CDH18: variants seen among roughly 807,000 people sequenced by gnomAD.
CDH18 encodes cadherin 18.
CDH18 carries 31 observed loss-of-function variants against 67.9 expected under a neutral mutation model. The observed-to-expected ratio is 0.46, with a 90% CI of 0.34 to 0.62. CDH18 has a LOEUF of 0.62. Ranked by LOEUF, CDH18 falls within the 20% of genes least tolerant of loss-of-function variation. The probability of loss-of-function intolerance (pLI) is 0.01; values close to 1 mark genes in which losing one functional copy is unlikely to be tolerated. For missense variants in CDH18, 890 were observed against 975.5 expected, an observed-to-expected ratio of 0.91 and a Z score of 1.17; for synonymous variants, 362 against 347.2, an observed-to-expected ratio of 1.04 and a Z score of -0.48.
chr5:19,546,406 C>T (rs899574607), intron 8 of CDH18, among the ~76,000 whole-genome samples: 3 of 152,028 alleles, frequency 2.0e-5, no homozygotes, highest in African/African-American at 4.8e-5. Flanking sequence ...AGAAATGATG[C>T]TTTTGAAAAA....
chr5:19,848,461 T>C (rs552957521), intron 2 of CDH18, among the ~76,000 whole-genome samples: 1 of 152,230 alleles, frequency 6.6e-6, no homozygotes. Context: ...AATCAGTTTC[T>C]AAATTTATCT....
intron 3 of CDH18, among the ~76,000 whole-genome samples, chr5:19,775,680 A>C (rs1216768097): frequency 6.6e-6 from 1 of 152,216 alleles, no homozygotes; most frequent in East Asian, 1.9e-4. Context: ...ATTGAGGATT[A>C]CAATTCAACA....
intron 2 of CDH18, among the ~76,000 whole-genome samples, chr5:19,998,996 T>C (rs761730609): frequency 1.3e-5 from 2 of 152,102 alleles, no homozygotes; most frequent in African/African-American, 2.4e-5. Context: ...CAAAGCATCA[T>C]GGAATTCAAG....
intron 10 of CDH18, among the ~76,000 whole-genome samples, chr5:19,505,753 C>T (rs1472350759): frequency 6.6e-6 from 1 of 152,084 alleles, no homozygotes; most frequent in East Asian, 1.9e-4. Flanking sequence ...TATCGATGTT[C>T]ATCAGGGATA....
Position 20,547,509 on chromosome 5 carries a change from C to T in CDH18, c.-580+27953G>A, listed in dbSNP as rs565861771. On this transcript the variant is annotated intron_variant, in intron 1 of 14. Transcript: ENST00000507958. ...CCAGGAGGCAGAGGTTGCAATGAGT[C>T]GAGATCGCACCATTGCACTCCAGTC... 6.6e-5 allele frequency among the ~76,000 whole-genome samples: 10 copies of T among 150,576 alleles called. No individual in the cohort carries two copies. In the East Asian group the frequency reaches 7.8e-4, roughly 12 times the overall value.
intron 4 of CDH18, among the ~76,000 whole-genome samples, chr5:19,733,184 C>A (rs576528635): frequency 6.6e-6 from 1 of 152,258 alleles, no homozygotes; most frequent in East Asian, 1.9e-4. Flanking sequence ...AGCCTGAAGA[C>A]CAAGCTACAA....
intron 1 of CDH18, among the ~76,000 whole-genome samples, chr5:20,480,968 A>C (rs919785132): frequency 1.3e-5 from 2 of 152,158 alleles, no homozygotes. Flanking sequence ...AACAAATAAC[A>C]AAATAGCAAG....
Position 19,838,810 on chromosome 5 carries a change from C to G in CDH18, c.177G>C (p.Gln59His). ...CCATATGTTCTTCTAAAACAAAGAACTGATTCCATACCCATCCCCTTTTGG... is the reference window on the plus strand; with the variant it reads ...CCATATGTTCTTCTAAAACAAAGAAGTGATTCCATACCCATCCCCTTTTGG... Reference protein sequence around the residue: ...HRPKRGWVWNQFFVLEEHMGP... With the variant: ...HRPKRGWVWNHFFVLEEHMGP... The change falls in exon 3 of 13, where the codon CAG (glutamine) becomes CAC (histidine). Residue 59 changes from glutamine (Q) to histidine (H), a missense_variant. Physicochemically the swap from Gln to His is conservative, Grantham distance 24. Transcript: ENST00000382275. The G allele has an allele frequency of 6.2e-7, 1 of 1,613,960 alleles. No individual in the cohort carries two copies. The highest frequency in any genetic ancestry group is 8.5e-7 in the Non-Finnish European group (1 of 1,179,912).
chr5:20,216,551 G>A (rs1175978492), intron 2 of CDH18, among the ~76,000 whole-genome samples: 1 of 151,818 alleles, frequency 6.6e-6, no homozygotes, highest in South Asian at 2.1e-4. Flanking sequence ...TATTATATAG[G>A]TATATGCCCC....
intron 5 of CDH18, among the ~76,000 whole-genome samples, chr5:19,667,446 T>C (rs970355640): frequency 1.3e-5 from 2 of 150,002 alleles, no homozygotes; most frequent in African/African-American, 2.4e-5. Flanking sequence ...CAATTTAAAA[T>C]ATAATTAATT....
intron 8 of CDH18, among the ~76,000 whole-genome samples, chr5:19,564,403 T>C (rs1740002784): frequency 6.6e-6 from 1 of 152,094 alleles, no homozygotes; most frequent in Admixed American, 6.6e-5. Flanking sequence ...CACAGTAGAA[T>C]AGGGCAGCAG....
At chr5:20,155,707 A>T (rs1751472317) in intron 2 of CDH18, among the ~76,000 whole-genome samples, 2 of 152,208 alleles carry the variant, frequency 1.3e-5, no homozygotes, top group South Asian at 2.1e-4. Context: ...ATAGCTTCAG[A>T]TCTTACATTT....
chr5:19,727,723 G>GA (rs34581707), intron 4 of CDH18, among the ~76,000 whole-genome samples: 1 of 151,750 alleles, frequency 6.6e-6, no homozygotes, highest in Admixed American at 6.6e-5. Flanking sequence ...TAAAAGTCAA[G>GA]AAAAAAAATA....
At chr5:20,304,382 GC>G in intron 1 of CDH18, 1 of 1,435,832 alleles carries the variant, frequency 7.0e-7, no homozygotes, top group Non-Finnish European at 9.8e-7. Flanking sequence ...GGAGTAAAAA[GC>G]ATCTTCTTCT....
chr5:19,767,960 G>C (rs1321347693), intron 3 of CDH18, among the ~76,000 whole-genome samples: 3 of 152,102 alleles, frequency 2.0e-5, no homozygotes, highest in African/African-American at 7.2e-5. Flanking sequence ...AATGAGCTTT[G>C]AGTTATGTTA....
chr5:20,122,447 G>T (rs535710632), intron 2 of CDH18, among the ~76,000 whole-genome samples: 1 of 152,204 alleles, frequency 6.6e-6, no homozygotes, highest in Non-Finnish European at 1.5e-5. Context: ...TTATGAAAAA[G>T]AAAACAGATA....
intron 2 of CDH18, among the ~76,000 whole-genome samples, chr5:19,997,051 G>A (rs536725492): frequency 6.6e-6 from 1 of 152,142 alleles, no homozygotes; most frequent in Non-Finnish European, 1.5e-5. Flanking sequence ...CATAAGCTAT[G>A]TAAGGATAAT....
chr5:20,413,167 T>A (rs890453292), intron 1 of CDH18, among the ~76,000 whole-genome samples: 11 of 152,230 alleles, frequency 7.2e-5, no homozygotes, highest in Admixed American at 3.3e-4. Flanking sequence ...CTGCATAGTA[T>A]TCCGTGGTGT....
At chr5:20,168,327 G>A (rs188083358) in intron 2 of CDH18, among the ~76,000 whole-genome samples, 52 of 152,034 alleles carry the variant, frequency 3.4e-4, no homozygotes, top group Non-Finnish European at 5.1e-4. Flanking sequence ...AATGTATAGC[G>A]CACTTTAGTT....
Sources: allele counts gnomAD v4.1 joint callset (sites outside exome capture counted in the v4.1 genomes callset), GRCh38; gene constraint gnomAD v4.1.1; transcripts MANE v1.5; gene names NCBI Gene and HGNC (gene_info 2026-07-23, HGNC 2026-07-21).